RUBCNL: variants seen among roughly 807,000 people sequenced by gnomAD.
RUBCNL encodes the protein protein associated with UVRAG as autophagy enhancer.
In RUBCNL, 62 loss-of-function variants were observed where a neutral mutation model predicts 69.5. The ratio of observed to expected loss-of-function variants is 0.89; its 90% CI spans 0.73 to 1.10. The LOEUF (loss-of-function observed/expected upper bound fraction) is 1.10. Among genes scored for constraint, RUBCNL ranks in the 50% least tolerant of loss-of-function variants. The pLI, the probability that RUBCNL is intolerant of heterozygous loss-of-function variation, is 0.00. For missense variants in RUBCNL, 768 were observed against 798.1 expected (o/e 0.96, Z 0.45); for synonymous variants, 291 against 303.6 (o/e 0.96, Z 0.43).
chr13:46,387,319 CG>C (rs931880876), upstream of RUBCNL: 581 of 985,546 alleles, frequency 5.9e-4, 1 homozygote, highest in Middle Eastern at 1.0e-3. Context: ...GCCTCCCACA[CG>C]GGGGCCACCG....
In RUBCNL at chr13:46,335,385, C is replaced by T. The variant is rs186069416; in HGVS notation, c.*8000G>A. On this transcript the variant is annotated 3_prime_UTR_variant, in exon 15 of 15. Coordinates refer to ENST00000429979, the MANE Select transcript of RUBCNL (RefSeq NM_025113.5). ...TCCCAAAGTGCTGGGATTACAGACA[C>T]GAGCCAGCACCCACCCAACTTAATT... Among the ~76,000 whole-genome samples, 17 of 150,708 alleles carry T rather than the reference C, an allele frequency of 1.1e-4. No homozygotes were observed. The highest frequency in any genetic ancestry group is 2.9e-4 in the African/African-American group (12 of 40,802).
chr13:46,358,813 G>T (rs2048547211), intron 9 of RUBCNL, among the ~76,000 whole-genome samples: 1 of 152,088 alleles, frequency 6.6e-6, no homozygotes, highest in Admixed American at 6.6e-5. Context: ...CCCAGCCTAG[G>T]CCTCCCAAAG....
At position 46,335,266 on chromosome 13, in the gene RUBCNL, T is replaced by TG. The variant is rs1566533025; in HGVS notation, c.*8118_*8119insC. Among the ~76,000 whole-genome samples the TG allele has an allele frequency of 9.5e-5, 9 of 94,864 alleles. No homozygotes were observed. Among genetic ancestry groups the TG allele is most frequent in the African/African-American group, 2.6e-4 (8 of 31,088 alleles). The allele number at this position is 94,864 out of a possible 152,430, so 62.2% of individuals were successfully genotyped here. A position where few individuals can be genotyped will look rare whatever the true frequency, so the allele number is the denominator to read the frequency against. ...TTTTGTTGTTGTTGTTGTTGTTTTTTTTTTTTTTTTTTTTTTTTTAAGAGA... is the reference window on the plus strand; with the variant it reads ...TTTTGTTGTTGTTGTTGTTGTTTTTTGTTTTTTTTTTTTTTTTTTTAAGAGA... On this transcript the variant is annotated 3_prime_UTR_variant, in exon 15 of 15. Transcript: ENST00000429979.
chr13:46,389,700 C>T (rs537125402), upstream of RUBCNL: 8 of 152,268 alleles, frequency 5.3e-5, 1 homozygote, highest in East Asian at 1.9e-4. The surrounding 1 kb of genome is among the most constrained non-coding windows in gnomAD (Gnocchi z 4.2). Flanking sequence ...TCGTCACAGA[C>T]GCAGGAGGTT....
intron 14 of RUBCNL, among the ~76,000 whole-genome samples, chr13:46,344,057 C>G (rs1289879643): frequency 6.6e-6 from 1 of 152,194 alleles, no homozygotes; most frequent in Non-Finnish European, 1.5e-5. Flanking sequence ...TTGCTGCCTG[C>G]ACACCCCTAC....
rs1210469362 is a variant in RUBCNL, at chr13:46,336,730, T to C, written c.*6655A>G. Among the ~76,000 whole-genome samples the C allele has an allele frequency of 6.6e-6, 1 of 152,056 alleles. No individual in the cohort carries two copies. Among genetic ancestry groups the C allele is most frequent in the Non-Finnish European group, 1.5e-5 (1 of 68,026 alleles). On this transcript the variant is annotated 3_prime_UTR_variant, in exon 15 of 15. Coordinates refer to ENST00000429979, the MANE Select transcript of RUBCNL (RefSeq NM_025113.5). The stretch of plus-strand genomic sequence containing the variant: ...AATGGTTGAGATGGAAATGCTATTG[T>C]TGTAGGTAAAGGAAGAAAGAGGTGT...
intron 10 of RUBCNL, among the ~76,000 whole-genome samples, chr13:46,356,056 T>A (rs1386096232): frequency 6.6e-6 from 1 of 151,722 alleles, no homozygotes; most frequent in Non-Finnish European, 1.5e-5. Flanking sequence ...GACTTTGGAG[T>A]GAAAATGTGA....
At chr13:46,387,558 C>T, upstream of RUBCNL, 1 of 985,618 alleles carries the variant, frequency 1.0e-6, no homozygotes. Context: ...AAAGACCTGG[C>T]AGAAATGACT....
chr13:46,348,622 TG>T (rs2048301543), intron 12 of RUBCNL, among the ~76,000 whole-genome samples: 1 of 151,464 alleles, frequency 6.6e-6, no homozygotes, highest in Admixed American at 6.6e-5. Flanking sequence ...TTTTTTTTTT[TG>T]AGACGGAATC....
intron 4 of RUBCNL, 172 bp downstream of exon 4, chr13:46,368,561 C>A: frequency 4.3e-6 from 4 of 924,668 alleles, no homozygotes; most frequent in Non-Finnish European, 5.2e-6. Flanking sequence ...AGCACAGGCA[C>A]GGCCTCGGAA....
chr13:46,361,093 C>T (rs1003970333), intron 8 of RUBCNL, among the ~76,000 whole-genome samples: 15 of 152,132 alleles, frequency 9.9e-5, no homozygotes, highest in African/African-American at 3.4e-4. Flanking sequence ...GGCGTGGTGG[C>T]GTGCGCCTGT....
chr13:46,349,640 C>T (rs952943930), intron 11 of RUBCNL, among the ~76,000 whole-genome samples: 2 of 151,328 alleles, frequency 1.3e-5, no homozygotes, highest in African/African-American at 4.9e-5. Flanking sequence ...TGGAAAGAGC[C>T]TGTGCAGGAG....
rs769720502 is a variant in RUBCNL at position 46,336,956 on chromosome 13, T to C, written c.*6429A>G. On this transcript the variant is annotated 3_prime_UTR_variant, in exon 15 of 15. Coordinates refer to ENST00000429979, the MANE Select transcript of RUBCNL (RefSeq NM_025113.5). Reference sequence around the variant, plus strand: ...GTTTTTGATGTCTGCATGACTGTTATGGACTGAATATTTATATCTCCTCAA... The same window carrying C: ...GTTTTTGATGTCTGCATGACTGTTACGGACTGAATATTTATATCTCCTCAA... Among the ~76,000 whole-genome samples the C allele has an allele frequency of 2.0e-5, 3 of 152,060 alleles. No homozygotes were observed. Among genetic ancestry groups the C allele is most frequent in the Non-Finnish European group, 4.4e-5 (3 of 68,022 alleles).
At position 46,341,062 on chromosome 13, in the gene RUBCNL, G is replaced by A. The variant is rs1165615926; in HGVS notation, c.*2323C>T. Among the ~76,000 whole-genome samples the A allele has an allele frequency of 2.0e-5, 3 of 152,190 alleles. No individual in the cohort carries two copies. The highest frequency in any genetic ancestry group is 7.2e-5 in the African/African-American group (3 of 41,440). On this transcript the variant is annotated 3_prime_UTR_variant, in exon 15 of 15. Coordinates refer to ENST00000429979, the MANE Select transcript of RUBCNL (RefSeq NM_025113.5). Reference sequence around the variant, plus strand: ...CCAGGTCAACACACCAGACATCTTTGGGATGGCTTGCTCCTCCTCATCCTA... The same window carrying A: ...CCAGGTCAACACACCAGACATCTTTAGGATGGCTTGCTCCTCCTCATCCTA...
At chr13:46,363,968 ATAT>A (rs973020815) in intron 5 of RUBCNL, among the ~76,000 whole-genome samples, 8 of 148,962 alleles carry the variant, frequency 5.4e-5, no homozygotes, top group Admixed American at 4.0e-4. Flanking sequence ...AATCATTATT[ATAT>A]TATTAATATA....
intron 5 of RUBCNL, among the ~76,000 whole-genome samples, chr13:46,366,786 T>G (rs1235468584): frequency 6.6e-6 from 1 of 152,168 alleles, no homozygotes; most frequent in African/African-American, 2.4e-5. Flanking sequence ...TATTAAGTTA[T>G]AGGTTAACTA....
At chr13:46,357,675 G>A (rs1346263659) in intron 9 of RUBCNL, among the ~76,000 whole-genome samples, 1 of 149,450 alleles carries the variant, frequency 6.7e-6, no homozygotes, top group South Asian at 2.1e-4. Context: ...TGTTGCCCAG[G>A]CTGGAGTGCA....
At chr13:46,343,588 G>C in intron 14 of RUBCNL, 91 bp from the exon 15 acceptor site, 2 of 1,355,704 alleles carry the variant, frequency 1.5e-6, no homozygotes, top group African/African-American at 2.9e-5. Context: ...GGAGGGAGAG[G>C]GGTCTGAATC....
rs1449351297 is a variant in RUBCNL at position 46,362,954 on chromosome 13, A to C, written c.925+161T>G. Among the ~76,000 whole-genome samples the C allele has an allele frequency of 2.5e-4, 17 of 68,558 alleles. 1 individual carries two copies. The highest frequency in any genetic ancestry group is 1.0e-3 in the Admixed American group (7 of 6,770). The allele number at this position is 68,558 out of a possible 152,430, so 45.0% of individuals were successfully genotyped here. On this transcript the variant is annotated intron_variant, in intron 6 of 14. Transcript: ENST00000429979. ...TATATATATAGATATATATATATAT[A>C]TATATATATATATATATATATCAGG...
Sources: allele counts gnomAD v4.1 joint callset (sites outside exome capture counted in the v4.1 genomes callset), GRCh38; gene constraint gnomAD v4.1.1; non-coding constraint Gnocchi (gnomAD v3.1); transcripts MANE v1.5; gene names NCBI Gene and HGNC (gene_info 2026-07-23, HGNC 2026-07-21).